ZNF365: variants seen among roughly 807,000 people sequenced by gnomAD.
ZNF365 encodes the protein protein ZNF365.
ZNF365 carries 22 observed loss-of-function variants against 35.0 expected under a neutral mutation model. The ratio of observed to expected loss-of-function variants is 0.63; its 90% confidence interval spans 0.45 to 0.90. The LOEUF (loss-of-function observed/expected upper bound fraction) is 0.90, where lower values mean the gene tolerates loss of function less well. ZNF365 is among the 40% of genes least tolerant of loss of function. The probability of loss-of-function intolerance (pLI) is 0.00; values close to 1 mark genes in which losing one functional copy is unlikely to be tolerated. For missense variants in ZNF365, 448 were observed against 500.3 expected (o/e 0.90, Z 1.00); for synonymous variants, 188 against 196.2 (o/e 0.96, Z 0.35).
At chr10:62,413,783 A>C (rs1466175993) in intron 3 of ZNF365, among the ~76,000 whole-genome samples, 1 of 152,222 alleles carries the variant, frequency 6.6e-6, no homozygotes, top group African/African-American at 2.4e-5. Flanking sequence ...GTTTTTAACC[A>C]GAAATAAGAG....
chr10:62,409,779 TCCAA>T (rs762966571), intron 3 of ZNF365, among the ~76,000 whole-genome samples: 4 of 152,096 alleles, frequency 2.6e-5, no homozygotes, highest in Non-Finnish European at 4.4e-5. Flanking sequence ...TATTCATCCA[TCCAA>T]CCAACCAACC....
chr10:62,419,804 T>C, intron 3 of ZNF365, among the ~76,000 whole-genome samples: 1 of 152,194 alleles, frequency 6.6e-6, no homozygotes, highest in Admixed American at 6.5e-5. Context: ...TTTTTTCCTT[T>C]ATGCTTAGTG....
chr10:62,440,172 T>TTTTATTTATTTATTTATTTATTTATTTA (rs148188582), intron 3 of ZNF365, among the ~76,000 whole-genome samples: 47 of 150,742 alleles, frequency 3.1e-4, no homozygotes, highest in African/African-American at 1.0e-3. Flanking sequence ...GAATGCATAG[T>TTTTATTTATTTATTTATTTATTTATTTA]TTTATTTATT....
At chr10:62,443,765 T>A (rs187472780) in intron 3 of ZNF365, among the ~76,000 whole-genome samples, 1 of 152,270 alleles carries the variant, frequency 6.6e-6, no homozygotes, top group Admixed American at 6.5e-5. Context: ...TTTTAGTTGG[T>A]AAATTGAGAA....
At chr10:62,421,988 A>T (rs561232511) in intron 3 of ZNF365, among the ~76,000 whole-genome samples, 1 of 152,350 alleles carries the variant, frequency 6.6e-6, no homozygotes, top group African/African-American at 2.4e-5. Context: ...TCTGCAAGGT[A>T]CTGCCATATA....
intron 4 of ZNF365, 78 bp downstream of exon 4, chr10:62,398,855 C>A: frequency 1.5e-6 from 2 of 1,357,672 alleles, no homozygotes; most frequent in South Asian, 1.3e-5. Flanking sequence ...TATATGAGAT[C>A]GTATCTATTT....
Position 62,400,585 on chromosome 10 carries a change from C to A in ZNF365, c.*796C>A. On this transcript the variant is annotated 3_prime_UTR_variant, in exon 5 of 5. Coordinates refer to ENST00000395254, the MANE Select transcript of ZNF365 (RefSeq NM_014951.3). ...AAGTAAAATCCTCTTTTGATTAGCA[C>A]CCAGCATGGGCTGGGTGGCTAGGTG... 4 of 985,926 alleles carry A rather than the reference C, an allele frequency of 4.1e-6. No homozygotes were observed. The highest frequency in any genetic ancestry group is 4.8e-6 in the Non-Finnish European group (4 of 829,942). 61.1% of individuals were successfully genotyped at this position (985,926 alleles called of 1,614,324 possible).
chr10:62,376,780 A>G lies in ZNF365; in HGVS notation c.587A>G (p.Glu196Gly). Residue 196 changes from glutamate (E) to glycine (G), a missense_variant, in exon 2 of 5, where the codon GAA becomes GGA. This residue lies in a region of ZNF365 where 362 missense variants were observed against 375.7 expected (regional missense o/e 0.96). Transcript: ENST00000395254. ...GCCCAGAAAACTGCGGAACTGTTGGAAGTTCGGGCAGCTTTTGTGCAGCTG... is the reference window on the plus strand; with the variant it reads ...GCCCAGAAAACTGCGGAACTGTTGGGAGTTCGGGCAGCTTTTGTGCAGCTG... ...ELAQKTAELL[E>G]VRAAFVQLTQ... 6.2e-7 allele frequency: 1 copy of G among 1,614,212 alleles called. No homozygotes were observed.
intron 4 of ZNF365, among the ~76,000 whole-genome samples, chr10:62,479,448 A>T (rs1240754801): frequency 6.6e-6 from 1 of 152,208 alleles, no homozygotes; most frequent in Non-Finnish European, 1.5e-5. Context: ...GGTGTGTACA[A>T]ACTACTTTCT....
intron 3 of ZNF365, among the ~76,000 whole-genome samples, chr10:62,411,571 G>A (rs1028166267): frequency 2.6e-5 from 4 of 151,996 alleles, no homozygotes; most frequent in African/African-American, 9.7e-5. Context: ...CAGGTTTGTT[G>A]AAGATTCAAT....
intron 4 of ZNF365, among the ~76,000 whole-genome samples, chr10:62,473,076 G>T (rs772701548): frequency 2.6e-5 from 4 of 152,214 alleles, no homozygotes; most frequent in Non-Finnish European, 4.4e-5. Context: ...TGGGGAAAGG[G>T]ACCATTCATT....
intron 4 of ZNF365, 100 bp from the exon 5 acceptor site, chr10:62,399,428 G>A: frequency 2.6e-6 from 4 of 1,510,452 alleles, no homozygotes; most frequent in Non-Finnish European, 1.8e-6. Flanking sequence ...ACTGTAGCAT[G>A]TAGGAGAGAT....
intron 4 of ZNF365, among the ~76,000 whole-genome samples, chr10:62,474,027 A>C (rs1841087962): frequency 6.6e-6 from 1 of 152,216 alleles, no homozygotes; most frequent in Non-Finnish European, 1.5e-5. Context: ...ACATAGACAT[A>C]TTAACATTGA....
At chr10:62,381,507 G>A (rs1177621203) in intron 2 of ZNF365, among the ~76,000 whole-genome samples, 1 of 151,946 alleles carries the variant, frequency 6.6e-6, no homozygotes, top group Non-Finnish European at 1.5e-5. Flanking sequence ...TTCCCCCAAA[G>A]CGTCAAGACT....
In ZNF365 at chr10:62,400,244, T is replaced by C; in HGVS notation, c.*455T>C. The C allele has an allele frequency of 1.4e-5, 14 of 990,336 alleles. No individual in the cohort carries two copies. The highest frequency in any genetic ancestry group is 1.6e-5 in the Non-Finnish European group (13 of 832,496). 61.3% of individuals were successfully genotyped at this position (990,336 alleles called of 1,614,324 possible). A position where few individuals can be genotyped will look rare whatever the true frequency, so the allele number is the denominator to read the frequency against. ...AATAGCAGTAAAATGAAAATATTTG[T>C]GTTTGTGTATAACCTTCCCCTCAGC... On this transcript the variant is annotated 3_prime_UTR_variant, in exon 5 of 5. Coordinates refer to ENST00000395254, the MANE Select transcript of ZNF365 (RefSeq NM_014951.3).
chr10:62,389,657 A>G (rs180886240), intron 3 of ZNF365, among the ~76,000 whole-genome samples: 29 of 152,336 alleles, frequency 1.9e-4, no homozygotes, highest in Non-Finnish European at 4.1e-4. Flanking sequence ...GCAGGTGGAT[A>G]AAAGAAGGAA....
At chr10:62,451,302 G>A (rs1425974450) in intron 3 of ZNF365, among the ~76,000 whole-genome samples, 1 of 152,012 alleles carries the variant, frequency 6.6e-6, no homozygotes, top group African/African-American at 2.4e-5. Context: ...TTTTGCTTGT[G>A]GTGCCTGCCT....
At position 62,376,198 on chromosome 10, in the gene ZNF365, A is replaced by T. The variant is rs752336454; in HGVS notation, c.5A>T (p.Gln2Leu). The T allele has an allele frequency of 6.2e-7, 1 of 1,614,084 alleles. No homozygotes were observed. Among genetic ancestry groups the T allele is most frequent in the Non-Finnish European group, 8.5e-7 (1 of 1,180,002 alleles). ...CCTCCCAGGACTTTTAGAGTAATGC[A>T]ACAGAAGGCTTTTGAGGAAAGCAGA... M[Q>L]QKAFEESRYP... The change falls in exon 2 of 5, where the codon CAA (glutamine) becomes CTA (leucine). Residue 2 changes from glutamine to leucine, a missense_variant. Physicochemically the swap from Gln to Leu is moderately radical, Grantham distance 113. Coordinates refer to ENST00000395254, the MANE Select transcript of ZNF365 (RefSeq NM_014951.3).
chr10:62,436,826 G>C, intron 3 of ZNF365, among the ~76,000 whole-genome samples: 1 of 152,298 alleles, frequency 6.6e-6, no homozygotes, highest in East Asian at 1.9e-4. Flanking sequence ...TCATCTGTAA[G>C]ATGGTTATGA....
Sources: gnomAD v4.1 joint callset for allele counts (sites outside exome capture counted in the v4.1 genomes callset) on GRCh38, gnomAD v4.1.1 for gene constraint, gnomAD v4.1.1 regional missense constraint, MANE v1.5 for transcripts, NCBI Gene and HGNC (gene_info 2026-07-23, HGNC 2026-07-21) for gene names.